The following TM9SF3 variants were observed in gnomAD, a reference collection of about 807,000 sequenced individuals.
The protein encoded by TM9SF3 is transmembrane 9 superfamily member 3.
TM9SF3 carries 14 observed loss-of-function variants against 78.6 expected under a neutral mutation model. The ratio of observed to expected loss-of-function variants is 0.18; its 90% confidence interval spans 0.12 to 0.28. TM9SF3 has a LOEUF of 0.28. Ranked by LOEUF, TM9SF3 falls within the 10% of genes least tolerant of loss-of-function variation. TM9SF3 has a pLI of 1.00. For missense variants in TM9SF3, 496 were observed against 721.9 expected (o/e 0.69, Z 3.59); for synonymous variants, 231 against 241.7 (o/e 0.96, Z 0.41).
intron 2 of TM9SF3, among the ~76,000 whole-genome samples, chr10:96,565,832 A>G (rs1027432064): frequency 1.3e-5 from 2 of 152,216 alleles, no homozygotes; most frequent in African/African-American, 4.8e-5. Flanking sequence ...ATTTGTAGCT[A>G]TAAGATCTCT....
rs1847736930 is a variant in TM9SF3 at position 96,519,460 on chromosome 10, C to T, written c.*2803G>A. On this transcript the variant is annotated 3_prime_UTR_variant, in exon 15 of 15. Transcript: ENST00000371142. ...AAGAATGCTTCACCATCCCTCAGGC[C>T]ATTACATTTCCACCTTATCCTACTC... is the stretch of plus-strand genomic sequence containing the variant. 1 of 151,946 alleles carries T rather than the reference C, an allele frequency of 6.6e-6. No homozygotes were observed. The highest frequency in any genetic ancestry group is 2.4e-5 in the African/African-American group (1 of 41,430). 9.4% of individuals were successfully genotyped at this position (151,946 alleles called of 1,614,324 possible). A position where few individuals can be genotyped will look rare whatever the true frequency, so the allele number is the denominator to read the frequency against.
chr10:96,539,132 T>C (rs540618055), intron 9 of TM9SF3, among the ~76,000 whole-genome samples: 1 of 152,210 alleles, frequency 6.6e-6, no homozygotes, highest in South Asian at 2.1e-4. Context: ...GGTATAACCA[T>C]GCAATTGAAT....
At chr10:96,586,196 T>G (rs77585229) in intron 1 of TM9SF3, among the ~76,000 whole-genome samples, 1,989 of 152,302 alleles carry the variant, frequency 0.013, 51 homozygotes, top group African/African-American at 0.045. Context: ...TTATTAATGC[T>G]GCCCCACCCC....
chr10:96,581,226 C>T (rs939138584), intron 1 of TM9SF3, among the ~76,000 whole-genome samples: 6 of 152,140 alleles, frequency 3.9e-5, no homozygotes, highest in African/African-American at 1.4e-4. Flanking sequence ...CCAAAGTTTT[C>T]CTCCTTGACA....
chr10:96,563,883 T>C (rs1326603158), intron 3 of TM9SF3, among the ~76,000 whole-genome samples: 6 of 150,622 alleles, frequency 4.0e-5, no homozygotes, highest in Non-Finnish European at 3.0e-5. Flanking sequence ...TTCAAGGACA[T>C]CCAAAAGTAT....
At chr10:96,539,220 C>G (rs908793943) in intron 9 of TM9SF3, among the ~76,000 whole-genome samples, 1 of 150,372 alleles carries the variant, frequency 6.7e-6, no homozygotes, top group Non-Finnish European at 1.5e-5. Context: ...CCTGTAATCG[C>G]AGCACTTTGG....
At position 96,586,875 on chromosome 10, in the gene TM9SF3, C is replaced by T; in HGVS notation, c.-40G>A. 5 of 1,016,600 alleles carry T rather than the reference C, an allele frequency of 4.9e-6. No homozygotes were observed. Among genetic ancestry groups the T allele is most frequent in the Non-Finnish European group, 4.9e-6 (4 of 813,070 alleles). The allele number at this position is 1,016,600 out of a possible 1,614,324, so 63.0% of individuals were successfully genotyped here. On this transcript the variant is annotated 5_prime_UTR_variant, in exon 1 of 15. Coordinates refer to ENST00000371142, the MANE Select transcript of TM9SF3 (RefSeq NM_020123.4). ...CGGCCCGGAGCCGGCTCACCGACTC[C>T]TCCTCCCGCCGCCGCCTCCTCCGCC...
intron 2 of TM9SF3, among the ~76,000 whole-genome samples, chr10:96,574,373 G>GCTA (rs1420986691): frequency 6.6e-6 from 1 of 152,186 alleles, no homozygotes; most frequent in Non-Finnish European, 1.5e-5. Flanking sequence ...ACTACAATGA[G>GCTA]CTACTACCTT....
At chr10:96,566,584 G>A (rs939952229) in intron 2 of TM9SF3, among the ~76,000 whole-genome samples, 2 of 152,098 alleles carry the variant, frequency 1.3e-5, no homozygotes, top group African/African-American at 2.4e-5. Flanking sequence ...TCAAAGTATG[G>A]GAAGAAAATT....
chr10:96,530,654 T>C, intron 10 of TM9SF3, 46 bp from the exon 11 acceptor site: 1 of 1,519,766 alleles, frequency 6.6e-7, no homozygotes. Context: ...ATGATTTCCA[T>C]GTTATATAAA....
chr10:96,567,463 C>A (rs541312110), intron 2 of TM9SF3, among the ~76,000 whole-genome samples: 5 of 152,290 alleles, frequency 3.3e-5, no homozygotes, highest in African/African-American at 1.2e-4. Context: ...GATATATCTG[C>A]CTCTACGCTC....
chr10:96,527,123 G>T, intron 14 of TM9SF3, 90 bp downstream of exon 14: 1 of 1,134,034 alleles, frequency 8.8e-7, no homozygotes, highest in Non-Finnish European at 1.3e-6. Context: ...TCAAACAACA[G>T]ATAAAATTTC....
chr10:96,586,623 G>A lies in TM9SF3; in HGVS notation c.102+111C>T, dbSNP rs1377089359. On this transcript the variant is annotated intron_variant, in intron 1 of 14. Coordinates refer to ENST00000371142, the MANE Select transcript of TM9SF3 (RefSeq NM_020123.4). Reference sequence around the variant, plus strand: ...AGGCCCAACCGGAAGGAGTCCTCGGGCCGCAGTGGGGCACCACCGGGCCGC... The same window carrying A: ...AGGCCCAACCGGAAGGAGTCCTCGGACCGCAGTGGGGCACCACCGGGCCGC... The A allele has an allele frequency of 3.3e-6, 3 of 915,256 alleles. No homozygotes were observed. The African/African-American group carries it at 5.2e-5, about 16-fold the overall frequency. The allele number at this position is 915,256 out of a possible 1,614,324, so 56.7% of individuals were successfully genotyped here.
chr10:96,576,772 G>A lies in TM9SF3; in HGVS notation c.160C>T (p.Arg54Cys). 2 of 1,601,388 alleles carry A rather than the reference G, an allele frequency of 1.2e-6. No homozygotes were observed. Among genetic ancestry groups the A allele is most frequent in the Non-Finnish European group, 1.7e-6 (2 of 1,174,832 alleles). The stretch of plus-strand genomic sequence containing the variant: ...GAAAAGTACTTATATGTTTCTTGAC[G>A]ATTATGGTAGGGCCCAACAGTATTC... ...WMNTVGPYHN[R>C]QETYKYFSLP... Residue 54 changes from arginine to cysteine, a missense_variant, in exon 2 of 15, where the codon CGT becomes TGT. Arg to Cys is a radical substitution (Grantham distance 180). Coordinates refer to ENST00000371142, the MANE Select transcript of TM9SF3 (RefSeq NM_020123.4).
intron 3 of TM9SF3, among the ~76,000 whole-genome samples, chr10:96,564,417 T>C (rs145011645): frequency 6.6e-6 from 1 of 152,338 alleles, no homozygotes; most frequent in East Asian, 1.9e-4. Context: ...CAGAGAAATG[T>C]CTGTGTTACC....
intron 2 of TM9SF3, among the ~76,000 whole-genome samples, chr10:96,571,073 T>C (rs543890376): frequency 3.6e-4 from 54 of 152,056 alleles, no homozygotes; most frequent in African/African-American, 9.4e-4. Flanking sequence ...TTTTAGGAAA[T>C]GGAAAACGGT....
intron 2 of TM9SF3, among the ~76,000 whole-genome samples, chr10:96,572,421 T>C (rs1246237598): frequency 2.0e-5 from 3 of 151,922 alleles, no homozygotes; most frequent in Non-Finnish European, 4.4e-5. Context: ...CACACTATGA[T>C]GGCAAGGTTC....
At position 96,518,820 on chromosome 10, in the gene TM9SF3, TTC is replaced by T. The variant is rs1487992078; in HGVS notation, c.*3441_*3442del. ...CCAAATACTCTTCATAAATTTTCACTTCTGACTGAAATATAACACCTTGATTG... is the reference window on the plus strand; with the variant it reads ...CCAAATACTCTTCATAAATTTTCACTTGACTGAAATATAACACCTTGATTG... On this transcript the variant is annotated 3_prime_UTR_variant, in exon 15 of 15. Transcript: ENST00000371142. 7.0e-6 allele frequency: 1 copy of T among 142,334 alleles called. No individual in the cohort carries two copies. The highest frequency in any genetic ancestry group is 1.5e-5 in the Non-Finnish European group (1 of 65,470). The allele number at this position is 142,334 out of a possible 1,614,324, so 8.8% of individuals were successfully genotyped here.
rs1216300174 is a variant in TM9SF3, at chr10:96,520,358, G to A, written c.*1905C>T. ...CCTACAGCTTCTGATCAAATTTGTTGGATCATATCAATCATACTTAAGTGG... is the reference window on the plus strand; with the variant it reads ...CCTACAGCTTCTGATCAAATTTGTTAGATCATATCAATCATACTTAAGTGG... On this transcript the variant is annotated 3_prime_UTR_variant, in exon 15 of 15. Transcript: ENST00000371142. 1.3e-5 allele frequency: 2 copies of A among 151,216 alleles called. No homozygotes were observed. The highest frequency in any genetic ancestry group is 3.0e-5 in the Non-Finnish European group (2 of 67,738). 9.4% of individuals were successfully genotyped at this position (151,216 alleles called of 1,614,324 possible). A position where few individuals can be genotyped will look rare whatever the true frequency, so the allele number is the denominator to read the frequency against.
Sources: allele counts gnomAD v4.1 joint callset (sites outside exome capture counted in the v4.1 genomes callset), GRCh38; gene constraint gnomAD v4.1.1; transcripts MANE v1.5; gene names NCBI Gene and HGNC (gene_info 2026-07-23, HGNC 2026-07-21).